The following MGAT5B variants were observed in gnomAD, a reference collection of about 807,000 sequenced individuals.
MGAT5B encodes alpha-1,6-mannosylglycoprotein 6-beta-N-acetylglucosaminyltransferase B.
MGAT5B carries 54 observed loss-of-function variants against 95.1 expected under a neutral mutation model. The ratio of observed to expected loss-of-function variants is 0.57; its 90% CI spans 0.46 to 0.71. The LOEUF is 0.71. MGAT5B is among the 30% of genes least tolerant of loss of function. MGAT5B has a pLI of 0.00. For missense variants in MGAT5B, 935 were observed against 1,088.6 expected (o/e 0.86, Z 1.99); for synonymous variants, 464 against 451.0 (o/e 1.03, Z -0.36).
At chr17:76,885,949 CT>C (rs897232436) in intron 3 of MGAT5B, among the ~76,000 whole-genome samples, 1 of 105,178 alleles carries the variant, frequency 9.5e-6, no homozygotes, top group African/African-American at 9.4e-5. Context: ...TTTCCTGTGG[CT>C]TAAAAAAAAC....
intron 8 of MGAT5B, among the ~76,000 whole-genome samples, chr17:76,908,265 T>C (rs929173839): frequency 8.5e-5 from 12 of 141,136 alleles, no homozygotes; most frequent in African/African-American, 3.3e-4. Context: ...TTTCTTTCTC[T>C]TTCTTTCTTC....
intron 15 of MGAT5B, chr17:76,944,095 T>G (rs2145285670): frequency 6.6e-6 from 1 of 152,460 alleles, no homozygotes; most frequent in Non-Finnish European, 1.5e-5. Context: ...CTGCTGTCAT[T>G]CCCGCAGGCC....
intron 2 of MGAT5B, among the ~76,000 whole-genome samples, chr17:76,877,445 G>T (rs1967232540): frequency 6.6e-6 from 1 of 152,096 alleles, no homozygotes. Flanking sequence ...AGACCTCCCA[G>T]GCCTCCACCA....
In MGAT5B at chr17:76,916,316, G is replaced by A. The variant is rs12946006; in HGVS notation, c.1026-8650G>A. Among the ~76,000 whole-genome samples, 10,067 of 152,318 alleles carry A rather than the reference G, an allele frequency of 0.066. 367 individuals carry two copies. The highest frequency in any genetic ancestry group is 0.079 in the African/African-American group (3,282 of 41,562). ...TGTTTCTTGCAAGTCAAGGCCCCCC[G>A]GCCAAGTCTGAACATTGACCAATAA... is the stretch of plus-strand genomic sequence containing the variant. On this transcript the variant is annotated intron_variant, in intron 8 of 17. Transcript: ENST00000569840. The surrounding 1 kb of genome is among the most constrained non-coding windows in gnomAD (Gnocchi z 5.3).
intron 15 of MGAT5B, among the ~76,000 whole-genome samples, chr17:76,943,037 C>CCCCCCA (rs1555601289): frequency 1.3e-5 from 2 of 151,594 alleles, no homozygotes; most frequent in African/African-American, 2.4e-5. Flanking sequence ...ATAACTTGCC[C>CCCCCCA]CCCCGGGAGG....
intron 3 of MGAT5B, among the ~76,000 whole-genome samples, chr17:76,900,316 G>A (rs1481305447): frequency 6.6e-6 from 1 of 152,192 alleles, no homozygotes; most frequent in Admixed American, 6.5e-5. Flanking sequence ...GAAGGCTGTC[G>A]TGCATTCAAC....
chr17:76,927,267 C>T (rs1042182682), intron 10 of MGAT5B, among the ~76,000 whole-genome samples: 6 of 152,106 alleles, frequency 3.9e-5, no homozygotes, highest in Admixed American at 2.0e-4. Flanking sequence ...GACAGGATCT[C>T]GCTCTATTGG....
At chr17:76,878,329 G>A (rs1056065581) in intron 2 of MGAT5B, among the ~76,000 whole-genome samples, 1 of 152,186 alleles carries the variant, frequency 6.6e-6, no homozygotes, top group Non-Finnish European at 1.5e-5. Context: ...GAAGATGGGA[G>A]CAGCTCCTGA....
intron 12 of MGAT5B, among the ~76,000 whole-genome samples, chr17:76,936,634 TA>T (rs1969681843): frequency 1.3e-5 from 2 of 152,228 alleles, no homozygotes; most frequent in African/African-American, 4.8e-5. Context: ...ATATAATAAG[TA>T]AAAAGTTCTT....
intron 10 of MGAT5B, among the ~76,000 whole-genome samples, chr17:76,932,091 C>CT (rs1969506225): frequency 7.2e-6 from 1 of 138,144 alleles, no homozygotes; most frequent in Non-Finnish European, 1.6e-5. Flanking sequence ...CTCCTCCCCC[C>CT]CCCCTTCTTC....
Position 76,870,754 on chromosome 17 carries a change from C to A in MGAT5B, c.68+1657C>A, listed in dbSNP as rs1384826513. Among the ~76,000 whole-genome samples the A allele has an allele frequency of 1.3e-5, 2 of 152,040 alleles. No homozygotes were observed. Among genetic ancestry groups the A allele is most frequent in the Admixed American group, 1.3e-4 (2 of 15,274 alleles). ...GAGTCCCTTCAGTTGAGGTGGGGGG[C>A]AGGCTGCAATCATAGCACCCCAGCT... On this transcript the variant is annotated intron_variant, in intron 1 of 17. Coordinates refer to ENST00000569840, the MANE Select transcript of MGAT5B (RefSeq NM_001199172.2). The surrounding 1 kb of genome is among the most constrained non-coding windows in gnomAD (Gnocchi z 5.0).
Position 76,912,525 on chromosome 17 carries a change from G to C in MGAT5B, c.1025+6338G>C, listed in dbSNP as rs887924498. On this transcript the variant is annotated intron_variant, in intron 8 of 17. Transcript: ENST00000569840. This position sits in a 1 kb window ranked among gnomAD's most constrained non-coding sequence, Gnocchi z 5.0. Reference sequence around the variant, plus strand: ...AGGCGGTGGGACAAAGACGCGGCTTGTACATTTGTTGTAGTTTATTCGCAG... The same window carrying C: ...AGGCGGTGGGACAAAGACGCGGCTTCTACATTTGTTGTAGTTTATTCGCAG... Among the ~76,000 whole-genome samples the C allele has an allele frequency of 6.6e-6, 1 of 152,168 alleles. No homozygotes were observed. Among genetic ancestry groups the C allele is most frequent in the African/African-American group, 2.4e-5 (1 of 41,424 alleles).
chr17:76,911,491 C>T (rs1968735046), intron 8 of MGAT5B, among the ~76,000 whole-genome samples: 1 of 152,186 alleles, frequency 6.6e-6, no homozygotes, highest in Non-Finnish European at 1.5e-5. Flanking sequence ...TGGAGGTGGC[C>T]CAGATGGTGG....
Position 76,904,434 on chromosome 17 carries a change from A to G in MGAT5B, c.690+12A>G. 1 of 1,550,936 alleles carries G rather than the reference A, an allele frequency of 6.4e-7. No homozygotes were observed. Among genetic ancestry groups the G allele is most frequent in the Non-Finnish European group, 8.7e-7 (1 of 1,148,198 alleles). On this transcript the variant is annotated intron_variant, in intron 6 of 17. Transcript: ENST00000569840. Reference sequence around the variant, plus strand: ...TCCCCAAAGTCCAGGTGGGCCTGGGAGGTGGGTGGGCCGGTGAGGGGCTGG... The same window carrying G: ...TCCCCAAAGTCCAGGTGGGCCTGGGGGGTGGGTGGGCCGGTGAGGGGCTGG...
At chr17:76,927,814 G>GT (rs1018053265) in intron 10 of MGAT5B, among the ~76,000 whole-genome samples, 2 of 152,220 alleles carry the variant, frequency 1.3e-5, no homozygotes, top group Non-Finnish European at 2.9e-5. Flanking sequence ...AGCATCTTGC[G>GT]TGTGGCTCTT....
chr17:76,946,633 GGGCCT>G lies in MGAT5B; in HGVS notation c.1923+186_1923+190del, dbSNP rs547495313. 6.9e-3 allele frequency among the ~76,000 whole-genome samples: 1,044 copies of G among 152,346 alleles called. 8 individuals are homozygous for G. The highest frequency in any genetic ancestry group is 0.012 in the Non-Finnish European group (809 of 68,028). ...GCTGGAGACAGGCAGGCCTGACTGCGGGCCTGGAAAGCAGCACACTCCGGGCACTC... is the reference window on the plus strand; with the variant it reads ...GCTGGAGACAGGCAGGCCTGACTGCGGGAAAGCAGCACACTCCGGGCACTC... On this transcript the variant is annotated intron_variant, in intron 16 of 17. Coordinates refer to ENST00000569840, the MANE Select transcript of MGAT5B (RefSeq NM_001199172.2).
chr17:76,888,152 T>G (rs1321574002), intron 3 of MGAT5B, among the ~76,000 whole-genome samples: 1 of 152,172 alleles, frequency 6.6e-6, no homozygotes, highest in African/African-American at 2.4e-5. Flanking sequence ...ATGTATTTAT[T>G]TTTTTGTTTG....
At chr17:76,879,458 C>G (rs999545871) in intron 2 of MGAT5B, among the ~76,000 whole-genome samples, 1 of 152,232 alleles carries the variant, frequency 6.6e-6, no homozygotes, top group Admixed American at 6.5e-5. Context: ...ATGAAACATT[C>G]CTTTTTTCAT....
At chr17:76,910,651 T>C (rs1968700708) in intron 8 of MGAT5B, among the ~76,000 whole-genome samples, 1 of 152,266 alleles carries the variant, frequency 6.6e-6, no homozygotes, top group South Asian at 2.1e-4. Context: ...CACATGCATG[T>C]CCACACCCCA....
Sources: allele counts gnomAD v4.1 joint callset (sites outside exome capture counted in the v4.1 genomes callset), GRCh38; gene constraint gnomAD v4.1.1; non-coding constraint Gnocchi (gnomAD v3.1); transcripts MANE v1.5; gene names NCBI Gene and HGNC (gene_info 2026-07-23, HGNC 2026-07-21).